The following PI4KA variants were observed in gnomAD, a reference collection of about 807,000 sequenced individuals.
The protein encoded by PI4KA is phosphatidylinositol 4-kinase alpha.
Under a neutral mutation model 271.4 loss-of-function variants are expected in PI4KA, and 122 were observed. That is an observed-to-expected ratio of 0.45 (90% CI 0.39 to 0.52). PI4KA has a LOEUF of 0.52. PI4KA is among the 20% of genes least tolerant of loss of function. The pLI, the probability that PI4KA is intolerant of heterozygous loss-of-function variation, is 0.00. For missense variants in PI4KA, 1,969 were observed against 2,769.1 expected (o/e 0.71, Z 6.48); for synonymous variants, 1,041 against 1,078.8 (o/e 0.96, Z 0.69).
intron 45 of PI4KA, among the ~76,000 whole-genome samples, chr22:20,715,039 G>A (rs1601316253): frequency 6.6e-6 from 1 of 151,732 alleles, no homozygotes; most frequent in South Asian, 2.1e-4. Flanking sequence ...CCACCTGCCT[G>A]AGCAACCCTC....
Position 20,714,657 on chromosome 22 carries a change from G to A in PI4KA, c.5361C>T (p.Ile1787=), listed in dbSNP as rs775022999. 5 of 1,613,884 alleles carry A rather than the reference G, an allele frequency of 3.1e-6. No homozygotes were observed. In the African/African-American group the frequency reaches 4.0e-5, roughly 13 times the overall value. Residue 1787 remains isoleucine (I), a synonymous_variant, in exon 46 of 55, where the codon ATC becomes ATT. Transcript: ENST00000255882. Reference sequence around the variant, plus strand: ...GCATCGGGGTCCCAGACTTGTAGTCGATGTCCAGCACAATGGCCTCAGGGT... The same window carrying A: ...GCATCGGGGTCCCAGACTTGTAGTCAATGTCCAGCACAATGGCCTCAGGGT... The part of the protein sequence containing the change: ...PSNPEAIVLD[I]DYKSGTPMQS...
intron 3 of PI4KA, among the ~76,000 whole-genome samples, chr22:20,828,990 C>T (rs1923807608): frequency 1.3e-5 from 2 of 152,166 alleles, no homozygotes; most frequent in South Asian, 2.1e-4. Flanking sequence ...TACATTGTAT[C>T]GATCCTGTAT....
At position 20,804,274 on chromosome 22, in the gene PI4KA, G is replaced by C. The variant is rs371758228; in HGVS notation, c.1461+26C>G. 1.6e-5 allele frequency: 24 copies of C among 1,509,398 alleles called. No homozygotes were observed. The African/African-American group carries it at 2.6e-4, about 16-fold the overall frequency. The allele number at this position is 1,509,398 out of a possible 1,614,324, so 93.5% of individuals were successfully genotyped here. On this transcript the variant is annotated intron_variant, in intron 12 of 54. Coordinates refer to ENST00000255882, the MANE Select transcript of PI4KA (RefSeq NM_058004.4). Reference sequence around the variant, plus strand: ...GGGAGGCCCTACAGGTGGGATCTGAGCCTCTCTGGGTTCAGGGAGACTGAC... The same window carrying C: ...GGGAGGCCCTACAGGTGGGATCTGACCCTCTCTGGGTTCAGGGAGACTGAC...
At chr22:20,758,637 G>A (rs1030563101) in intron 23 of PI4KA, among the ~76,000 whole-genome samples, 6 of 152,028 alleles carry the variant, frequency 3.9e-5, no homozygotes, top group East Asian at 3.9e-4. Context: ...CAAGGTGGAC[G>A]GATGAGGGGA....
At chr22:20,742,901 A>G in intron 30 of PI4KA, 137 bp from the exon 31 acceptor site, 1 of 695,656 alleles carries the variant, frequency 1.4e-6, no homozygotes, top group Admixed American at 2.2e-5. Flanking sequence ...GCATGCAGAG[A>G]GACAGGCTCA....
intron 42 of PI4KA, among the ~76,000 whole-genome samples, chr22:20,724,886 C>T (rs1927166238): frequency 6.6e-6 from 1 of 152,186 alleles, no homozygotes; most frequent in African/African-American, 2.4e-5. Flanking sequence ...GGGAAGGAAA[C>T]AGGTTGCTGA....
chr22:20,749,158 C>T (rs1018004407), intron 28 of PI4KA, among the ~76,000 whole-genome samples: 2 of 152,184 alleles, frequency 1.3e-5, no homozygotes, highest in Admixed American at 6.5e-5. Context: ...CTTGCCACTG[C>T]GTTTCCACAC....
At chr22:20,798,230 C>A (rs1338060467) in intron 17 of PI4KA, among the ~76,000 whole-genome samples, 1 of 152,134 alleles carries the variant, frequency 6.6e-6, no homozygotes. Flanking sequence ...CTGGTTAAAT[C>A]TTGGTTCTAC....
At chr22:20,789,588 C>T (rs867892617) in intron 19 of PI4KA, among the ~76,000 whole-genome samples, 31 of 152,154 alleles carry the variant, frequency 2.0e-4, no homozygotes, top group Middle Eastern at 3.2e-3. Context: ...CCTTGGCCTC[C>T]CAAAGTGTTG....
At chr22:20,777,029 G>C (rs1933345936) in intron 19 of PI4KA, among the ~76,000 whole-genome samples, 2 of 135,752 alleles carry the variant, frequency 1.5e-5, no homozygotes, top group South Asian at 4.6e-4. Context: ...CTTAACAAAA[G>C]GCAGTTTTTT....
In PI4KA at chr22:20,712,315, A is replaced by C. The variant is rs1348124577; in HGVS notation, c.5802+171T>G. On this transcript the variant is annotated intron_variant, in intron 50 of 54. Coordinates refer to ENST00000255882, the MANE Select transcript of PI4KA (RefSeq NM_058004.4). ...CGTGATCTGCCCGCCTCGGCCTCCC[A>C]AAGTGCTAGGATTACAGGTGTGAGC... 4 of 974,476 alleles carry C rather than the reference A, an allele frequency of 4.1e-6. No individual in the cohort carries two copies. The Admixed American group carries it at 1.8e-4, about 45-fold the overall frequency. The allele number at this position is 974,476 out of a possible 1,614,324, so 60.4% of individuals were successfully genotyped here. A position where few individuals can be genotyped will look rare whatever the true frequency, so the allele number is the denominator to read the frequency against.
At chr22:20,830,893 TC>T (rs1924071874) in intron 3 of PI4KA, among the ~76,000 whole-genome samples, 1 of 152,144 alleles carries the variant, frequency 6.6e-6, no homozygotes, top group African/African-American at 2.4e-5. Flanking sequence ...TGCCTCAGCC[TC>T]CTGAGTAGCT....
intron 23 of PI4KA, among the ~76,000 whole-genome samples, chr22:20,754,278 G>A (rs886440791): frequency 1.3e-5 from 2 of 151,646 alleles, no homozygotes; most frequent in African/African-American, 4.8e-5. Flanking sequence ...GTAGAGACTG[G>A]GAGTCTCACT....
Position 20,717,962 on chromosome 22 carries a change from G to T in PI4KA, c.5247-184C>A, listed in dbSNP as rs532989839. 2.9e-4 allele frequency: 179 copies of T among 608,494 alleles called. No individual in the cohort carries two copies. The African/African-American group carries it at 3.0e-3, about 10-fold the overall frequency. The allele number at this position is 608,494 out of a possible 1,614,324, so 37.7% of individuals were successfully genotyped here. On this transcript the variant is annotated intron_variant, in intron 44 of 54. Coordinates refer to ENST00000255882, the MANE Select transcript of PI4KA (RefSeq NM_058004.4). ...CCTGCATTCCTCATGGAGAATCCCC[G>T]ACAGCCCCGGAAGGGCTGTTTTCTG... is the stretch of plus-strand genomic sequence containing the variant.
rs1344737051 is a variant in PI4KA, at chr22:20,710,535, G to C, written c.6083+164C>G. The stretch of plus-strand genomic sequence containing the variant: ...AGATGTCCAGAGCAAGAATTTACTG[G>C]CACAGGTGGGCAGACAGAGGTGACC... On this transcript the variant is annotated intron_variant, in intron 52 of 54. Coordinates refer to ENST00000255882, the MANE Select transcript of PI4KA (RefSeq NM_058004.4). 6.0e-6 allele frequency: 4 copies of C among 664,138 alleles called. No individual in the cohort carries two copies. In the Admixed American group the frequency reaches 1.1e-4, roughly 18 times the overall value. The allele number at this position is 664,138 out of a possible 1,614,324, so 41.1% of individuals were successfully genotyped here.
chr22:20,828,908 A>C (rs1923795359), intron 3 of PI4KA, among the ~76,000 whole-genome samples: 1 of 152,220 alleles, frequency 6.6e-6, no homozygotes. Context: ...CCTCTTCTGT[A>C]TCTATTAAGA....
intron 7 of PI4KA, 151 bp from the exon 8 acceptor site, chr22:20,813,657 G>A (rs1033632101): frequency 6.0e-6 from 4 of 661,402 alleles, no homozygotes; most frequent in Non-Finnish European, 1.0e-5. Context: ...CAACTACAGG[G>A]TAGATTGCAA....
At position 20,790,727 on chromosome 22, in the gene PI4KA, C is replaced by T. The variant is rs1934581968; in HGVS notation, c.2328+2466G>A. On this transcript the variant is annotated intron_variant, in intron 19 of 54. Transcript: ENST00000255882. The stretch of plus-strand genomic sequence containing the variant: ...ACACACACACACACACACACACACA[C>T]ACACACACACACACAACAAAAAAAA... 2.0e-5 allele frequency among the ~76,000 whole-genome samples: 3 copies of T among 150,276 alleles called. No homozygotes were observed. In the South Asian group the frequency reaches 6.4e-4, roughly 32 times the overall value.
chr22:20,708,539 G>A (rs1924806894), intron 54 of PI4KA, among the ~76,000 whole-genome samples: 1 of 143,916 alleles, frequency 6.9e-6, no homozygotes, highest in Non-Finnish European at 1.5e-5. Flanking sequence ...TAGGGTGCCG[G>A]ACCCGGGCGC....
Sources: gnomAD v4.1 joint callset for allele counts (sites outside exome capture counted in the v4.1 genomes callset) on GRCh38, gnomAD v4.1.1 for gene constraint, MANE v1.5 for transcripts, NCBI Gene and HGNC (gene_info 2026-07-23, HGNC 2026-07-21) for gene names.